Variants in PCSK5 observed in about 807,000 individuals in gnomAD.
PCSK5 encodes proprotein convertase subtilisin/kexin type 5, also known as prohormone convertase 5.
A neutral mutation model predicts 233.2 loss-of-function variants in PCSK5; 129 were observed. The ratio of observed to expected loss-of-function variants is 0.55; its 90% CI spans 0.48 to 0.64. PCSK5 has a LOEUF of 0.64. Among genes scored for constraint, PCSK5 ranks in the 30% least tolerant of loss-of-function variants. The pLI is 0.00. For synonymous variants in PCSK5, 825 were observed against 879.2 expected (o/e 0.94, Z 1.09); for missense variants, 2,076 against 2,430.1 (o/e 0.85, Z 3.06).
In PCSK5 at chr9:76,018,007, C is replaced by CAAA. The variant is rs10694867; in HGVS notation, c.412-5721_412-5719dup. ...GGAAAAGGTTAAAGAAGGTCTCCTC[C>CAAA]AAAAAAAAAAAATGTGTGAGGGAGT... On this transcript the variant is annotated intron_variant, in intron 3 of 37. Coordinates refer to ENST00000674117, the MANE Select transcript of PCSK5 (RefSeq NM_001372043.1). 5.8e-5 allele frequency among the ~76,000 whole-genome samples: 7 copies of CAAA among 120,996 alleles called. 1 individual carries two copies. The highest frequency in any genetic ancestry group is 5.7e-4 in the South Asian group (2 of 3,504). The allele number at this position is 120,996 out of a possible 152,430, so 79.4% of individuals were successfully genotyped here. A position where few individuals can be genotyped will look rare whatever the true frequency, so the allele number is the denominator to read the frequency against.
Position 76,331,306 on chromosome 9 carries a change from C to T in PCSK5, c.4571-1127C>T, listed in dbSNP as rs916966975. On this transcript the variant is annotated intron_variant, in intron 33 of 37. Coordinates refer to ENST00000674117, the MANE Select transcript of PCSK5 (RefSeq NM_001372043.1). ...GGGGCAGTGATTTAGTTGAGGATCT[C>T]GGCATAGAGAGATTATCCTGCATTA... Among the ~76,000 whole-genome samples the T allele has an allele frequency of 4.6e-5, 7 of 152,176 alleles. No homozygotes were observed. In the South Asian group the frequency reaches 6.2e-4, roughly 14 times the overall value.
At chr9:75,898,825 A>G (rs145506832) in intron 1 of PCSK5, among the ~76,000 whole-genome samples, 3 of 152,208 alleles carry the variant, frequency 2.0e-5, no homozygotes, top group Admixed American at 6.5e-5. Flanking sequence ...GCACAAGTCT[A>G]CCATGTAACA....
chr9:75,908,580 A>C (rs1822512704), intron 1 of PCSK5, among the ~76,000 whole-genome samples: 1 of 151,752 alleles, frequency 6.6e-6, no homozygotes, highest in African/African-American at 2.4e-5. Flanking sequence ...ATTCAACCTA[A>C]CTATTTTGCC....
intron 9 of PCSK5, among the ~76,000 whole-genome samples, chr9:76,126,691 A>G (rs1832867121): frequency 6.6e-6 from 1 of 152,174 alleles, no homozygotes; most frequent in African/African-American, 2.4e-5. Flanking sequence ...AGACACGGAG[A>G]CAAAATACTG....
chr9:75,903,074 A>G (rs1826110076), intron 1 of PCSK5, among the ~76,000 whole-genome samples: 1 of 152,202 alleles, frequency 6.6e-6, no homozygotes, highest in East Asian at 1.9e-4. Context: ...ATAACAGATA[A>G]TTATAACTAT....
chr9:76,064,816 G>A (rs1036990120), intron 5 of PCSK5, among the ~76,000 whole-genome samples: 2 of 149,008 alleles, frequency 1.3e-5, no homozygotes, highest in Non-Finnish European at 3.0e-5. Flanking sequence ...GACGATGGGC[G>A]GCCGGGCAGA....
intron 35 of PCSK5, among the ~76,000 whole-genome samples, chr9:76,342,330 C>T (rs1469167216): frequency 6.6e-6 from 1 of 152,140 alleles, no homozygotes; most frequent in East Asian, 1.9e-4. Flanking sequence ...ATACTTAAGA[C>T]TTGTGGATGA....
intron 23 of PCSK5, among the ~76,000 whole-genome samples, chr9:76,239,855 C>G (rs1408089754): frequency 6.6e-6 from 1 of 152,080 alleles, no homozygotes; most frequent in Non-Finnish European, 1.5e-5. Flanking sequence ...AGACATGAGA[C>G]CCTAGGCAAA....
intron 8 of PCSK5, among the ~76,000 whole-genome samples, chr9:76,103,757 T>C (rs1445868075): frequency 6.6e-6 from 1 of 152,182 alleles, no homozygotes; most frequent in African/African-American, 2.4e-5. Context: ...CAGGGCCTGG[T>C]GTCCTTTCCA....
chr9:76,110,477 C>A (rs10781334), intron 9 of PCSK5, among the ~76,000 whole-genome samples: 1 of 152,166 alleles, frequency 6.6e-6, no homozygotes, highest in Non-Finnish European at 1.5e-5. Flanking sequence ...ATGGGTAGGA[C>A]TGTGGTTCAT....
chr9:75,892,790 T>G (rs1441988424), intron 1 of PCSK5, among the ~76,000 whole-genome samples: 2 of 152,116 alleles, frequency 1.3e-5, no homozygotes, highest in East Asian at 3.9e-4. Flanking sequence ...GAGCACAAGA[T>G]CTTGCTCTTT....
At chr9:76,046,175 T>TTTTTTTTTTTTTG (rs1829376471) in intron 5 of PCSK5, among the ~76,000 whole-genome samples, 1 of 112,540 alleles carries the variant, frequency 8.9e-6, no homozygotes, top group Admixed American at 9.7e-5. Flanking sequence ...TTTTTTTTTT[T>TTTTTTTTTTTTTG]TTTTTTTTTT....
chr9:76,194,603 GTTT>G, intron 20 of PCSK5: 5 of 286,802 alleles, frequency 1.7e-5, no homozygotes, highest in East Asian at 9.9e-5. Flanking sequence ...GTTTTTTGGG[GTTT>G]TTTTTTTTTA....
intron 15 of PCSK5, 53 bp from the exon 16 acceptor site, chr9:76,181,344 TG>T: frequency 6.8e-7 from 1 of 1,478,408 alleles, no homozygotes; most frequent in Non-Finnish European, 9.2e-7. Context: ...AAGAGAATGC[TG>T]GGGACTGGTT....
At chr9:76,329,007 C>T (rs1255376652) in intron 33 of PCSK5, among the ~76,000 whole-genome samples, 5 of 80,712 alleles carry the variant, frequency 6.2e-5, no homozygotes, top group African/African-American at 1.6e-4. Context: ...TTGGTAGAGA[C>T]GGGGTTTCAC....
chr9:76,168,292 A>G (rs1343838904), intron 12 of PCSK5, among the ~76,000 whole-genome samples: 1 of 152,102 alleles, frequency 6.6e-6, no homozygotes, highest in Non-Finnish European at 1.5e-5. Context: ...GTGGGACTAC[A>G]GGTACACCAC....
intron 35 of PCSK5, among the ~76,000 whole-genome samples, chr9:76,340,787 C>G (rs1829810021): frequency 6.6e-6 from 1 of 151,910 alleles, no homozygotes; most frequent in South Asian, 2.1e-4. Flanking sequence ...CTCTTTGACT[C>G]TATGTGAGTT....
intron 24 of PCSK5, among the ~76,000 whole-genome samples, chr9:76,265,100 T>C (rs1827293700): frequency 6.6e-6 from 1 of 152,150 alleles, no homozygotes; most frequent in Non-Finnish European, 1.5e-5. Context: ...ATTATGTCCT[T>C]TGTAGCAACA....
At chr9:76,190,932 C>T (rs989552232) in intron 20 of PCSK5, among the ~76,000 whole-genome samples, 1 of 152,166 alleles carries the variant, frequency 6.6e-6, no homozygotes, top group African/African-American at 2.4e-5. Context: ...GTTTGAGAAC[C>T]ACTGCACATC....
Sources: allele counts gnomAD v4.1 joint callset (sites outside exome capture counted in the v4.1 genomes callset), GRCh38; gene constraint gnomAD v4.1.1; transcripts MANE v1.5; gene names NCBI Gene and HGNC (gene_info 2026-07-23, HGNC 2026-07-21).